Variants in RUNX1T1 observed in about 807,000 individuals in gnomAD.
RUNX1T1 encodes protein CBFA2T1.
A neutral mutation model predicts 62.8 loss-of-function variants in RUNX1T1; 4 were observed. The ratio of observed to expected loss-of-function variants is 0.06; its 90% CI spans 0.03 to 0.15. The LOEUF (loss-of-function observed/expected upper bound fraction) is 0.15. RUNX1T1 is among the 10% of genes least tolerant of loss of function. The pLI, the probability that RUNX1T1 is intolerant of heterozygous loss-of-function variation, is 1.00. For missense variants in RUNX1T1, 508 were observed against 754.3 expected (o/e 0.67, Z 3.82); for synonymous variants, 291 against 286.0 (o/e 1.02, Z -0.18).
At chr8:92,103,061 G>C, upstream of RUNX1T1, 1 of 532,910 alleles carries the variant, frequency 1.9e-6, no homozygotes, top group East Asian at 3.6e-5. Context: ...ACGGCCGCCC[G>C]GCGCTGCGCA....
intron 8 of RUNX1T1, chr8:91,980,014 A>G (rs1015005577): frequency 6.5e-5 from 19 of 292,284 alleles, no homozygotes; most frequent in African/African-American, 3.8e-4. Context: ...AAGTAATTTT[A>G]TCTTTACAAA....
intron 1 of RUNX1T1, among the ~76,000 whole-genome samples, chr8:92,045,029 G>A (rs1459424050): frequency 1.6e-4 from 23 of 145,380 alleles, no homozygotes; most frequent in Non-Finnish European, 2.8e-4. Flanking sequence ...CCAAGAGTTC[G>A]AGACCAGCCT....
At chr8:92,015,906 T>G (rs1822897935) in intron 2 of RUNX1T1, among the ~76,000 whole-genome samples, 3 of 152,198 alleles carry the variant, frequency 2.0e-5, no homozygotes, top group Admixed American at 6.5e-5. Flanking sequence ...CCTGTGGCTT[T>G]GGGTAACAAC....
chr8:92,019,387 G>A (rs1823642903), intron 1 of RUNX1T1, among the ~76,000 whole-genome samples: 1 of 152,062 alleles, frequency 6.6e-6, no homozygotes, highest in African/African-American at 2.4e-5. Context: ...TTTGAAGCAC[G>A]TGGTTGCACA....
intron 2 of RUNX1T1, among the ~76,000 whole-genome samples, chr8:92,075,368 GA>G (rs1223872533): frequency 6.6e-6 from 1 of 152,226 alleles, no homozygotes; most frequent in Non-Finnish European, 1.5e-5. Context: ...CAGACTTTAA[GA>G]AGTCTCTTGC....
rs773280249 is a variant in RUNX1T1, at chr8:91,991,749, G to T, written c.800C>A (p.Pro267Gln). 7 of 1,614,100 alleles carry T rather than the reference G, an allele frequency of 4.3e-6. No individual in the cohort carries two copies. In the South Asian group the frequency reaches 7.7e-5, roughly 18 times the overall value. ...CAAACGGTAATGCTGAGGTGGAGGT[G>T]GGGTAGGGTGAGGCAGGCCATTGGG... The change falls in exon 6 of 11, where the codon CCA (proline) becomes CAA (glutamine). Residue 267 changes from proline to glutamine, a missense_variant. By Grantham distance (76) the Pro-to-Gln change is moderately conservative (BLOSUM62 -1). Transcript: ENST00000396218.
chr8:92,084,742 G>C (rs1167133849), intron 1 of RUNX1T1, among the ~76,000 whole-genome samples: 1 of 152,164 alleles, frequency 6.6e-6, no homozygotes, highest in African/African-American at 2.4e-5. Context: ...AGCCAAGCTT[G>C]GCTTCCCTGC....
chr8:92,082,404 G>T (rs1835412327), intron 1 of RUNX1T1, among the ~76,000 whole-genome samples: 1 of 152,078 alleles, frequency 6.6e-6, no homozygotes, highest in Admixed American at 6.5e-5. Context: ...TTCAGACCTT[G>T]CCCCGTCATG....
chr8:91,996,594 A>C (rs1474724987), intron 5 of RUNX1T1, among the ~76,000 whole-genome samples: 1 of 152,124 alleles, frequency 6.6e-6, no homozygotes, highest in Non-Finnish European at 1.5e-5. Context: ...TTTAGATCCC[A>C]ATCACTTCTC....
At chr8:92,043,487 C>T (rs1828834241) in intron 1 of RUNX1T1, among the ~76,000 whole-genome samples, 1 of 151,380 alleles carries the variant, frequency 6.6e-6, no homozygotes, top group African/African-American at 2.4e-5. Flanking sequence ...ATTATCATTT[C>T]ATAAAATTTA....
At chr8:92,099,979 C>T (rs186230572), upstream of RUNX1T1, among the ~76,000 whole-genome samples, 13 of 152,204 alleles carry the variant, frequency 8.5e-5, no homozygotes, top group Non-Finnish European at 2.9e-5. Context: ...TAGACTAACA[C>T]CTCAATGGGA....
intron 5 of RUNX1T1, among the ~76,000 whole-genome samples, chr8:91,999,769 G>A (rs1268754232): frequency 2.0e-5 from 3 of 152,076 alleles, no homozygotes; most frequent in Non-Finnish European, 4.4e-5. Context: ...TTTATAATTG[G>A]GAAGCTTTCA....
At chr8:91,988,005 A>C (rs1026245134) in intron 6 of RUNX1T1, among the ~76,000 whole-genome samples, 1 of 152,104 alleles carries the variant, frequency 6.6e-6, no homozygotes, top group East Asian at 1.9e-4. Flanking sequence ...CTTATGTATA[A>C]AGTTTCTTAT....
intron 1 of RUNX1T1, among the ~76,000 whole-genome samples, chr8:92,085,689 T>A (rs748813883): frequency 1.3e-5 from 2 of 151,290 alleles, no homozygotes; most frequent in Non-Finnish European, 2.9e-5. Context: ...GTTTTTAAAT[T>A]AAGTGTTATC....
chr8:92,086,312 T>C (rs1023174197), intron 1 of RUNX1T1, among the ~76,000 whole-genome samples: 2 of 152,234 alleles, frequency 1.3e-5, no homozygotes, highest in Non-Finnish European at 1.5e-5. Flanking sequence ...GTTTGAAATT[T>C]ATAAAGCAGG....
At chr8:92,017,691 A>G (rs1823287464) in intron 1 of RUNX1T1, 1 of 1,212,342 alleles carries the variant, frequency 8.2e-7, no homozygotes, top group Non-Finnish European at 1.0e-6. Context: ...AGAGGTAGAA[A>G]ATAGATGAGG....
intron 8 of RUNX1T1, among the ~76,000 whole-genome samples, chr8:91,980,097 AAGCT>A (rs2130755229): frequency 6.6e-6 from 1 of 152,290 alleles, no homozygotes; most frequent in East Asian, 1.9e-4. Flanking sequence ...TCCAACCTAG[AAGCT>A]AGCAACTGCT....
At chr8:92,089,952 AT>A (rs796376751) in intron 1 of RUNX1T1, among the ~76,000 whole-genome samples, 2,105 of 129,454 alleles carry the variant, frequency 0.016, 47 homozygotes, top group African/African-American at 0.056. Context: ...AAAAAAAAGC[AT>A]TTTTTTTTCA....
At chr8:92,043,342 A>C (rs1482944988) in intron 1 of RUNX1T1, among the ~76,000 whole-genome samples, 1 of 152,174 alleles carries the variant, frequency 6.6e-6, no homozygotes, top group African/African-American at 2.4e-5. Flanking sequence ...CCAAAAATGA[A>C]ACAGAGTTCT....
Sources: allele counts gnomAD v4.1 joint callset (sites outside exome capture counted in the v4.1 genomes callset), GRCh38; gene constraint gnomAD v4.1.1; transcripts MANE v1.5; gene names NCBI Gene and HGNC (gene_info 2026-07-23, HGNC 2026-07-21).